Variants in CDH12 observed in about 807,000 individuals in gnomAD.
The protein encoded by CDH12 is cadherin 12.
A neutral mutation model predicts 74.1 loss-of-function variants in CDH12; 41 were observed. That is an observed-to-expected ratio of 0.55 (90% CI 0.43 to 0.72). The LOEUF is 0.72. CDH12 is among the 30% of genes least tolerant of loss of function. The pLI, the probability that CDH12 is intolerant of heterozygous loss-of-function variation, is 0.00. For missense variants in CDH12, 945 were observed against 977.2 expected (o/e 0.97, Z 0.44); for synonymous variants, 399 against 355.0 (o/e 1.12, Z -1.39).
At chr5:21,987,061 T>C (rs1160207503) in intron 5 of CDH12, among the ~76,000 whole-genome samples, 1 of 152,110 alleles carries the variant, frequency 6.6e-6, no homozygotes, top group African/African-American at 2.4e-5. Context: ...TGAACTCGAA[T>C]GTAAAACTCC....
chr5:21,914,005 T>C (rs1753977850), intron 6 of CDH12, among the ~76,000 whole-genome samples: 1 of 152,156 alleles, frequency 6.6e-6, no homozygotes, highest in Admixed American at 6.6e-5. Flanking sequence ...TTTGAAAGTA[T>C]AGATTCTCAG....
intron 1 of CDH12, among the ~76,000 whole-genome samples, chr5:22,703,203 T>C (rs1742811267): frequency 6.6e-6 from 1 of 152,202 alleles, no homozygotes; most frequent in South Asian, 2.1e-4. Flanking sequence ...AGGGGATCTT[T>C]GTGCTATAAA....
rs550091563 is a variant in CDH12 at position 22,452,182 on chromosome 5, T to A, written c.-427-46831A>T. 1.8e-4 allele frequency among the ~76,000 whole-genome samples: 28 copies of A among 151,944 alleles called. No homozygotes were observed. The East Asian group carries it at 5.2e-3, about 28-fold the overall frequency. The stretch of plus-strand genomic sequence containing the variant: ...CATAGAGGTTCAACACAATTCCTAT[T>A]AAAATGTTAATAAAATTCTTCACAA... On this transcript the variant is annotated intron_variant, in intron 2 of 14. Transcript: ENST00000382254.
chr5:22,523,044 T>C (rs1431181974), intron 1 of CDH12, among the ~76,000 whole-genome samples: 2 of 152,190 alleles, frequency 1.3e-5, no homozygotes, highest in Admixed American at 6.5e-5. Context: ...AAGGGTTTCC[T>C]GCAATTCTGG....
intron 1 of CDH12, among the ~76,000 whole-genome samples, chr5:22,731,408 G>T (rs1280614446): frequency 6.6e-6 from 1 of 151,798 alleles, no homozygotes; most frequent in African/African-American, 2.4e-5. Flanking sequence ...CATAAAAGTT[G>T]ATGTATATTA....
intron 3 of CDH12, among the ~76,000 whole-genome samples, chr5:22,352,690 G>A (rs939354074): frequency 6.6e-6 from 1 of 152,170 alleles, no homozygotes; most frequent in African/African-American, 2.4e-5. Flanking sequence ...CTGCTTCTCT[G>A]TTCGAGATTA....
chr5:22,505,923 T>C (rs1252124442), intron 1 of CDH12, among the ~76,000 whole-genome samples: 3 of 152,096 alleles, frequency 2.0e-5, no homozygotes, highest in Non-Finnish European at 2.9e-5. Flanking sequence ...ATATCAAGGG[T>C]ATGTGTGTCA....
At chr5:22,474,616 T>C (rs1746095124) in intron 2 of CDH12, among the ~76,000 whole-genome samples, 2 of 152,120 alleles carry the variant, frequency 1.3e-5, no homozygotes, top group Admixed American at 6.5e-5. Flanking sequence ...CCATTGTGAA[T>C]GTGTAATTAA....
intron 3 of CDH12, among the ~76,000 whole-genome samples, chr5:22,256,922 C>A (rs1373371600): frequency 1.3e-5 from 2 of 152,068 alleles, no homozygotes; most frequent in African/African-American, 4.8e-5. Flanking sequence ...TGGAATCAAT[C>A]TAAATGACCA....
chr5:22,529,036 C>CATATATATGCAT (rs1561470203), intron 1 of CDH12, among the ~76,000 whole-genome samples: 1 of 150,994 alleles, frequency 6.6e-6, no homozygotes, highest in African/African-American at 2.4e-5. Context: ...TGCATATATG[C>CATATATATGCAT]ATATATATGC....
At chr5:22,836,193 G>A (rs1383023295) in intron 1 of CDH12, among the ~76,000 whole-genome samples, 2 of 101,748 alleles carry the variant, frequency 2.0e-5, no homozygotes, top group Middle Eastern at 6.1e-3. Context: ...GAAAATCCTG[G>A]TGCTTTTTTT....
chr5:22,314,941 CTTTTTTTTTTTTT>C (rs759734847), intron 3 of CDH12, among the ~76,000 whole-genome samples: 83 of 67,766 alleles, frequency 1.2e-3, no homozygotes, highest in Non-Finnish European at 1.8e-3. Context: ...CTGGGTTGGT[CTTTTTTTTTTTTT>C]TTTTTTTTTT....
rs1580702710 is a variant in CDH12, at chr5:22,491,617, A to C, written c.-428+13653T>G. 3.0e-4 allele frequency among the ~76,000 whole-genome samples: 9 copies of C among 29,566 alleles called. 1 individual carries two copies. Among genetic ancestry groups the C allele is most frequent in the Admixed American group, 2.7e-3 (4 of 1,456 alleles). 19.4% of individuals were successfully genotyped at this position (29,566 alleles called of 152,430 possible). A position where few individuals can be genotyped will look rare whatever the true frequency, so the allele number is the denominator to read the frequency against. ...GTAAGGACAGCTAATGAGCAAAAAAAAAAACAAAAAAAAAAACAAAAACAA... is the reference window on the plus strand; with the variant it reads ...GTAAGGACAGCTAATGAGCAAAAAACAAAACAAAAAAAAAAACAAAAACAA... On this transcript the variant is annotated intron_variant, in intron 2 of 14. Coordinates refer to ENST00000382254, the MANE Select transcript of CDH12 (RefSeq NM_004061.5).
chr5:22,386,873 G>T (rs888027528), intron 3 of CDH12, among the ~76,000 whole-genome samples: 1 of 151,718 alleles, frequency 6.6e-6, no homozygotes, highest in African/African-American at 2.4e-5. Flanking sequence ...TTTTAAAAAA[G>T]CAAATTTGAG....
At chr5:22,644,590 A>G (rs1739337429) in intron 1 of CDH12, among the ~76,000 whole-genome samples, 1 of 152,044 alleles carries the variant, frequency 6.6e-6, no homozygotes, top group African/African-American at 2.4e-5. Flanking sequence ...CCTCTTCATA[A>G]CATGAAAGTG....
intron 9 of CDH12, among the ~76,000 whole-genome samples, chr5:21,813,929 G>A (rs1022614628): frequency 6.6e-6 from 1 of 152,120 alleles, no homozygotes; most frequent in Non-Finnish European, 1.5e-5. Flanking sequence ...ATCTCCTGAC[G>A]TCCTCAGTTG....
intron 4 of CDH12, among the ~76,000 whole-genome samples, chr5:22,164,053 A>G (rs926703228): frequency 1.3e-5 from 2 of 152,250 alleles, no homozygotes; most frequent in African/African-American, 4.8e-5. Context: ...TTACAGAAGA[A>G]GCAAGTACAT....
chr5:22,663,157 C>T (rs1373964710), intron 1 of CDH12, among the ~76,000 whole-genome samples: 1 of 147,386 alleles, frequency 6.8e-6, no homozygotes, highest in Non-Finnish European at 1.5e-5. Context: ...AAAACTAAAC[C>T]AAAAATTGTA....
intron 5 of CDH12, among the ~76,000 whole-genome samples, chr5:22,028,137 C>A (rs1738516285): frequency 6.6e-6 from 1 of 152,080 alleles, no homozygotes; most frequent in African/African-American, 2.4e-5. Context: ...GAGTGAGTTT[C>A]TTAATCCTGA....
Sources: allele counts gnomAD v4.1 joint callset (sites outside exome capture counted in the v4.1 genomes callset), GRCh38; gene constraint gnomAD v4.1.1; transcripts MANE v1.5; gene names NCBI Gene and HGNC (gene_info 2026-07-23, HGNC 2026-07-21).